Variants in LMLN observed in about 807,000 individuals in gnomAD.
LMLN encodes leishmanolysin like peptidase, also known as leishmanolysin-like peptidase.
In LMLN, 70 loss-of-function variants were observed where a neutral mutation model predicts 92.3. The ratio of observed to expected loss-of-function variants is 0.76; its 90% CI spans 0.63 to 0.92. The LOEUF (loss-of-function observed/expected upper bound fraction) is 0.92. Ranked by LOEUF, LMLN falls within the 40% of genes least tolerant of loss-of-function variation. LMLN has a pLI of 0.00. For synonymous variants in LMLN, 308 were observed against 296.2 expected (o/e 1.04, Z -0.41); for missense variants, 691 against 814.6 (o/e 0.85, Z 1.85).
rs530019376 is a variant in LMLN at position 198,000,920 on chromosome 3, T to G, written c.1232+1578T>G. Among the ~76,000 whole-genome samples the G allele has an allele frequency of 2.4e-3, 236 of 99,258 alleles. 1 individual carries two copies. The highest frequency in any genetic ancestry group is 1.6e-3 in the East Asian group (8 of 5,052). The allele number at this position is 99,258 out of a possible 152,430, so 65.1% of individuals were successfully genotyped here. On this transcript the variant is annotated intron_variant, in intron 11 of 15. Transcript: ENST00000330198. ...TGTATTGAGTTTTTATTTTTATTAT[T>G]TTTTTTTATTTTTAGTTTTTAGTTT...
At chr3:197,996,178 G>C in exon 10 of LMLN, 1 of 1,551,550 alleles carries the variant, frequency 6.4e-7, no homozygotes, top group African/African-American at 1.4e-5. Flanking sequence ...TTCTTAGGAG[G>C]AAGCACGAAA....
chr3:197,987,088 C>T (rs1212188342), intron 8 of LMLN, among the ~76,000 whole-genome samples: 3 of 151,700 alleles, frequency 2.0e-5, no homozygotes, highest in Admixed American at 2.0e-4. Flanking sequence ...GATCTGCCCG[C>T]CTCGGCCTCC....
rs1722777275 is a variant in LMLN, at chr3:198,021,356, T to C, written c.1366-90T>C. The C allele has an allele frequency of 2.7e-6, 3 of 1,106,614 alleles. No homozygotes were observed. The Admixed American group carries it at 5.7e-5, about 21-fold the overall frequency. The allele number at this position is 1,106,614 out of a possible 1,614,324, so 68.5% of individuals were successfully genotyped here. A position where few individuals can be genotyped will look rare whatever the true frequency, so the allele number is the denominator to read the frequency against. On this transcript the variant is annotated intron_variant, in intron 12 of 15. Coordinates refer to ENST00000330198, the Ensembl canonical transcript of LMLN. The stretch of plus-strand genomic sequence containing the variant: ...CATTAGTATCTTGTGTTATGTGGCA[T>C]TAAAGGGTTGCGAGAAATTGCCTGT...
At chr3:197,967,391 C>T (rs1721088680) in intron 1 of LMLN, among the ~76,000 whole-genome samples, 1 of 152,116 alleles carries the variant, frequency 6.6e-6, no homozygotes, top group Non-Finnish European at 1.5e-5. Flanking sequence ...GTGATGCCCG[C>T]CTGAGCCGCA....
At chr3:198,010,703 G>A (rs1439860238) in intron 11 of LMLN, among the ~76,000 whole-genome samples, 22 of 152,018 alleles carry the variant, frequency 1.4e-4, no homozygotes, top group African/African-American at 4.8e-4. Context: ...GGCCCACCTC[G>A]GCCTCCCAAA....
chr3:197,960,665 A>C (rs1560128863), intron 1 of LMLN, among the ~76,000 whole-genome samples: 1 of 152,172 alleles, frequency 6.6e-6, no homozygotes, highest in Non-Finnish European at 1.5e-5. Flanking sequence ...TGTGCTTAGC[A>C]GTAGCCCTCG....
chr3:197,968,030 T>C (rs957294440), intron 1 of LMLN, among the ~76,000 whole-genome samples: 1 of 152,248 alleles, frequency 6.6e-6, no homozygotes, highest in Non-Finnish European at 1.5e-5. Flanking sequence ...CAAGGTGCAC[T>C]GATTTCATAT....
At chr3:197,991,268 T>C (rs1442166929) in intron 9 of LMLN, among the ~76,000 whole-genome samples, 5 of 151,924 alleles carry the variant, frequency 3.3e-5, no homozygotes, top group African/African-American at 1.2e-4. Flanking sequence ...CACGCCCAGC[T>C]AATTTTGTTT....
chr3:198,038,287 T>G, intron 15 of LMLN: 1 of 347,854 alleles, frequency 2.9e-6, no homozygotes, highest in South Asian at 3.8e-5. Context: ...ATAACCAAGA[T>G]CTTTATCTTT....
rs116254719 is a variant in LMLN, at chr3:198,038,086, G to A, written c.1868-481G>A. ...CCTCTCCCTTGCCTCCTCACAGTCC[G>A]TCTGCCTGTTGTCATTATTGATGGT... On this transcript the variant is annotated intron_variant, in intron 15 of 15. Coordinates refer to ENST00000330198, the Ensembl canonical transcript of LMLN. Among the ~76,000 whole-genome samples, 748 of 151,650 alleles carry A rather than the reference G, an allele frequency of 4.9e-3. 6 individuals carry two copies. Among genetic ancestry groups the A allele is most frequent in the African/African-American group, 0.017 (714 of 41,318 alleles).
chr3:198,033,219 A>G (rs910534132), intron 14 of LMLN, among the ~76,000 whole-genome samples: 1 of 152,096 alleles, frequency 6.6e-6, no homozygotes, highest in Non-Finnish European at 1.5e-5. Flanking sequence ...CCAACCTGTA[A>G]CATCTGCCCG....
intron 6 of LMLN, among the ~76,000 whole-genome samples, chr3:197,982,518 G>A (rs1473299222): frequency 2.0e-5 from 3 of 152,096 alleles, no homozygotes; most frequent in African/African-American, 7.2e-5. Context: ...GAGCCACCAC[G>A]CCCGGCCTTA....
chr3:197,999,762 G>A, intron 11 of LMLN: 1 of 163,210 alleles, frequency 6.1e-6, no homozygotes, highest in Non-Finnish European at 1.3e-5. Flanking sequence ...GGGCTCAAAT[G>A]ATCCACCCAC....
intron 5 of LMLN, among the ~76,000 whole-genome samples, chr3:197,978,498 T>C (rs112378096): frequency 6.6e-6 from 1 of 152,000 alleles, no homozygotes; most frequent in Middle Eastern, 3.2e-3. Context: ...TTAGCCAGGA[T>C]TGGTGGTGTG....
At chr3:197,993,141 T>G (rs1352977997) in intron 9 of LMLN, among the ~76,000 whole-genome samples, 2 of 150,510 alleles carry the variant, frequency 1.3e-5, no homozygotes, top group Non-Finnish European at 2.9e-5. Flanking sequence ...CTCAGCACAA[T>G]AAAGGCCATA....
chr3:197,989,745 G>C (rs190062647), intron 8 of LMLN, among the ~76,000 whole-genome samples: 31 of 152,352 alleles, frequency 2.0e-4, no homozygotes, highest in African/African-American at 7.5e-4. Flanking sequence ...ATCAGGGCTA[G>C]GCCCAGTGGC....
exon 1 of LMLN, chr3:197,960,410 C>T (rs747687484): frequency 6.2e-7 from 1 of 1,613,944 alleles, no homozygotes; most frequent in Admixed American, 1.7e-5. Flanking sequence ...GTTCCCCTCC[C>T]TGCCGGCACC....
rs1371592812 is a variant in LMLN at position 198,042,511 on chromosome 3, C to T, written c.*3844C>T. On this transcript the variant is annotated 3_prime_UTR_variant, in exon 16 of 16. Coordinates refer to ENST00000330198, the Ensembl canonical transcript of LMLN. This position sits in a 1 kb window ranked among gnomAD's most constrained non-coding sequence, Gnocchi z 4.2. ...TGGCCCACACGTTGATATCCTGTGGCAGGTTATACCCTTCATGTTAGCAAA... is the reference window on the plus strand; with the variant it reads ...TGGCCCACACGTTGATATCCTGTGGTAGGTTATACCCTTCATGTTAGCAAA... 1.3e-5 allele frequency: 2 copies of T among 152,148 alleles called. No individual in the cohort carries two copies. The highest frequency in any genetic ancestry group is 2.4e-5 in the African/African-American group (1 of 41,428). 9.4% of individuals were successfully genotyped at this position (152,148 alleles called of 1,614,324 possible).
Position 197,977,978 on chromosome 3 carries a change from A to G in LMLN, c.549+1263A>G, listed in dbSNP as rs1161618550. Reference sequence around the variant, plus strand: ...GGATACATATAAAAATTATCAAACAATCTGGAAGTACACACACGTTAAATC... The same window carrying G: ...GGATACATATAAAAATTATCAAACAGTCTGGAAGTACACACACGTTAAATC... On this transcript the variant is annotated intron_variant, in intron 5 of 15. Transcript: ENST00000330198. 4.0e-5 allele frequency among the ~76,000 whole-genome samples: 6 copies of G among 151,382 alleles called. No individual in the cohort carries two copies. In the East Asian group the frequency reaches 9.8e-4, roughly 25 times the overall value.
Sources: gnomAD v4.1 joint callset for allele counts (sites outside exome capture counted in the v4.1 genomes callset) on GRCh38, gnomAD v4.1.1 for gene constraint, Gnocchi (gnomAD v3.1) non-coding constraint, MANE v1.5 for transcripts, NCBI Gene and HGNC (gene_info 2026-07-23, HGNC 2026-07-21) for gene names.